The following NOS1 variants were observed in gnomAD, a reference collection of about 807,000 sequenced individuals.
NOS1 encodes nitric oxide synthase 1.
NOS1 carries 51 observed loss-of-function variants against 164.5 expected under a neutral mutation model. The observed-to-expected ratio is 0.31, with a 90% CI of 0.25 to 0.39. NOS1 has a LOEUF of 0.39. Among genes scored for constraint, NOS1 ranks in the 10% least tolerant of loss-of-function variants. NOS1 has a pLI of 1.00. For synonymous variants in NOS1, 719 were observed against 745.8 expected (o/e 0.96, Z 0.59); for missense variants, 1,362 against 1,885.6 (o/e 0.72, Z 5.14).
intron 1 of NOS1, among the ~76,000 whole-genome samples, chr12:117,347,304 A>G (rs1287950137): frequency 1.3e-5 from 2 of 151,926 alleles, no homozygotes; most frequent in Admixed American, 6.6e-5. Flanking sequence ...AAGGAAAAAA[A>G]AAAAAAGAAA....
rs1398682127 is a variant in NOS1 at position 117,253,626 on chromosome 12, C to T, written c.2648+12G>A. On this transcript the variant is annotated intron_variant, in intron 17 of 28. Coordinates refer to ENST00000317775, the MANE Select transcript of NOS1 (RefSeq NM_000620.5). ...CTTCCCTGACCCCCGACCCCCTTAT[C>T]CCCTTGCTCACCTCACATTGGCCAG... 6.3e-7 allele frequency: 1 copy of T among 1,593,560 alleles called. No homozygotes were observed. Among genetic ancestry groups the T allele is most frequent in the Non-Finnish European group, 8.6e-7 (1 of 1,162,146 alleles).
chr12:117,280,997 A>T, intron 7 of NOS1, 131 bp from the exon 8 acceptor site: 1 of 979,582 alleles, frequency 1.0e-6, no homozygotes, highest in Non-Finnish European at 1.5e-6. Context: ...CAAGGTCCCC[A>T]GGGCCAATGG....
In NOS1 at chr12:117,243,970, A is replaced by G. The variant is rs759372660; in HGVS notation, c.2824-535T>C. Among the ~76,000 whole-genome samples, 1 of 152,206 alleles carries G rather than the reference A, an allele frequency of 6.6e-6. No individual in the cohort carries two copies. The highest frequency in any genetic ancestry group is 1.5e-5 in the Non-Finnish European group (1 of 68,046). On this transcript the variant is annotated intron_variant, in intron 18 of 28. Transcript: ENST00000317775. This position sits in a 1 kb window ranked among gnomAD's most constrained non-coding sequence, Gnocchi z 4.3. Reference sequence around the variant, plus strand: ...TTTGAGTGTCTGCGATGTGCTGGACACGTCGGATTTGACATTGACTTTAGG... The same window carrying G: ...TTTGAGTGTCTGCGATGTGCTGGACGCGTCGGATTTGACATTGACTTTAGG...
chr12:117,337,217 G>A (rs1309399562), intron 1 of NOS1, among the ~76,000 whole-genome samples: 2 of 139,014 alleles, frequency 1.4e-5, no homozygotes, highest in Non-Finnish European at 3.0e-5. Context: ...CCAGGTTCAC[G>A]CCATTCTCCT....
At chr12:117,315,682 G>A (rs1481403087) in intron 2 of NOS1, among the ~76,000 whole-genome samples, 1 of 152,202 alleles carries the variant, frequency 6.6e-6, no homozygotes, top group Admixed American at 6.5e-5. Flanking sequence ...TAGCATGCTG[G>A]TTAAGGATGT....
At position 117,333,204 on chromosome 12, in the gene NOS1, C is replaced by T. The variant is rs531588061; in HGVS notation, c.-420-1715G>A. 1.8e-4 allele frequency among the ~76,000 whole-genome samples: 28 copies of T among 152,312 alleles called. No individual in the cohort carries two copies. In the South Asian group the frequency reaches 5.8e-3, roughly 32 times the overall value. ...GCAAGTTCAAAAAGATAGGTTTGGT[C>T]ACACTACAAACATCAATACCAGCAA... On this transcript the variant is annotated intron_variant, in intron 1 of 28. Transcript: ENST00000317775.
rs1876868557 is a variant in NOS1 at position 117,356,695 on chromosome 12, T to C, written c.-421+4817A>G. On this transcript the variant is annotated intron_variant, in intron 1 of 28. Coordinates refer to ENST00000317775, the MANE Select transcript of NOS1 (RefSeq NM_000620.5). The surrounding 1 kb of genome is among the most constrained non-coding windows in gnomAD (Gnocchi z 4.2). ...TAACTGCTGTTCATCCTTAGCATCA[T>C]ACGACTGTGCCAAGACCCATGTCCA... 6.6e-6 allele frequency among the ~76,000 whole-genome samples: 1 copy of C among 152,234 alleles called. No individual in the cohort carries two copies. The highest frequency in any genetic ancestry group is 2.1e-4 in the South Asian group (1 of 4,830).
rs148631499 is a variant in NOS1, at chr12:117,218,305, C to T, written c.4171-141G>A. 366 of 708,072 alleles carry T rather than the reference C, an allele frequency of 5.2e-4. 3 individuals are homozygous for T. In the East Asian group the frequency reaches 8.9e-3, roughly 17 times the overall value. The allele number at this position is 708,072 out of a possible 1,614,324, so 43.9% of individuals were successfully genotyped here. A position where few individuals can be genotyped will look rare whatever the true frequency, so the allele number is the denominator to read the frequency against. On this transcript the variant is annotated intron_variant, in intron 27 of 28. Coordinates refer to ENST00000317775, the MANE Select transcript of NOS1 (RefSeq NM_000620.5). ...GAGATGAGGCTGAAGCCAGTGTCCC[C>T]GAGGTACCTTTGATCTCGAAGACTC...
chr12:117,269,577 C>T (rs1259314874), intron 10 of NOS1, among the ~76,000 whole-genome samples: 1 of 149,902 alleles, frequency 6.7e-6, no homozygotes, highest in Non-Finnish European at 1.5e-5. Flanking sequence ...AGTGATTCTC[C>T]TGCCTCAGCC....
At chr12:117,351,109 G>T (rs367677310) in intron 1 of NOS1, among the ~76,000 whole-genome samples, 1 of 151,976 alleles carries the variant, frequency 6.6e-6, no homozygotes, top group African/African-American at 2.4e-5. Context: ...GCAAGACTCC[G>T]TCTCAAAAGA....
chr12:117,251,184 G>C lies in NOS1; in HGVS notation c.2648+2454C>G, dbSNP rs916469686. On this transcript the variant is annotated intron_variant, in intron 17 of 28. Coordinates refer to ENST00000317775, the MANE Select transcript of NOS1 (RefSeq NM_000620.5). ...AGGCACCGTCTATGAGCCAGAGAGA[G>C]GGCCCTCACCAGACACTGAATCTGC... Among the ~76,000 whole-genome samples, 4 of 152,278 alleles carry C rather than the reference G, an allele frequency of 2.6e-5. No individual in the cohort carries two copies. In the South Asian group the frequency reaches 8.3e-4, roughly 32 times the overall value.
intron 17 of NOS1, among the ~76,000 whole-genome samples, 189 bp from the exon 18 acceptor site, chr12:117,247,711 T>G (rs2135960781): frequency 6.6e-6 from 1 of 152,208 alleles, no homozygotes; most frequent in South Asian, 2.1e-4. Context: ...GGTAAAGCCC[T>G]GATCTGATAG....
At chr12:117,256,052 C>A in intron 16 of NOS1, 1 of 1,329,860 alleles carries the variant, frequency 7.5e-7, no homozygotes, top group Non-Finnish European at 9.9e-7. Flanking sequence ...AGGGGAGAAT[C>A]GATGGTGCCC....
chr12:117,253,609 AC>A, intron 17 of NOS1, 28 bp downstream of exon 17: 1 of 1,510,156 alleles, frequency 6.6e-7, no homozygotes, highest in Non-Finnish European at 9.2e-7. Context: ...GTCTTCCCTG[AC>A]CCCCGACCCC....
chr12:117,257,355 T>C (rs1035115119), intron 16 of NOS1, among the ~76,000 whole-genome samples: 3 of 152,114 alleles, frequency 2.0e-5, no homozygotes, highest in African/African-American at 4.8e-5. Context: ...AGCACTAGGA[T>C]TATAGGCATG....
At chr12:117,319,575 C>T (rs1874820045) in intron 2 of NOS1, among the ~76,000 whole-genome samples, 1 of 152,200 alleles carries the variant, frequency 6.6e-6, no homozygotes, top group African/African-American at 2.4e-5. Context: ...GGCCCCTTCC[C>T]AGCTCCTGCC....
chr12:117,226,824 C>G, intron 23 of NOS1, 54 bp from the exon 24 acceptor site: 3 of 1,389,286 alleles, frequency 2.2e-6, no homozygotes, highest in Non-Finnish European at 3.1e-6. Context: ...AGCACGGCCT[C>G]CCCTCCTCCC....
chr12:117,257,844 G>A (rs1871585921), intron 16 of NOS1, among the ~76,000 whole-genome samples: 1 of 121,850 alleles, frequency 8.2e-6, no homozygotes, highest in South Asian at 2.7e-4. Context: ...TGCTCTTGTT[G>A]CCCAGGCTGG....
intron 1 of NOS1, among the ~76,000 whole-genome samples, chr12:117,351,361 C>T (rs189823329): frequency 6.6e-6 from 1 of 152,336 alleles, no homozygotes; most frequent in African/African-American, 2.4e-5. Context: ...TTCGGTAACA[C>T]TGTCGCTTCC....
Sources: gnomAD v4.1 joint callset for allele counts (sites outside exome capture counted in the v4.1 genomes callset) on GRCh38, gnomAD v4.1.1 for gene constraint, Gnocchi (gnomAD v3.1) non-coding constraint, MANE v1.5 for transcripts, NCBI Gene and HGNC (gene_info 2026-07-23, HGNC 2026-07-21) for gene names.